RNASE10: variants seen among roughly 807,000 people sequenced by gnomAD.
The protein encoded by RNASE10 is ribonuclease A family member 10 (inactive), also known as inactive ribonuclease-like protein 10.
Under a neutral mutation model 1.1 loss-of-function variants are expected in RNASE10, and 2 were observed. The observed-to-expected ratio is 1.82, with a 90% CI of 0.74 to 5.73. RNASE10 has a LOEUF of 5.73. Ranked by LOEUF, RNASE10 falls within the 30% of genes most tolerant of loss-of-function variation. RNASE10 has a pLI of 0.05. For synonymous variants in RNASE10, 97 were observed against 96.2 expected, an observed-to-expected ratio of 1.01 and a Z score of -0.05; for missense variants, 276 against 263.4, an observed-to-expected ratio of 1.05 and a Z score of -0.33.
At chr14:20,507,405 C>A in intron 1 of RNASE10, among the ~76,000 whole-genome samples, 1 of 133,022 alleles carries the variant, frequency 7.5e-6, no homozygotes, top group Non-Finnish European at 1.6e-5. Flanking sequence ...TAAACAGATG[C>A]TTGAAGGCAG....
chr14:20,512,406 A>T (rs140663271), downstream of RNASE10, among the ~76,000 whole-genome samples: 6 of 152,284 alleles, frequency 3.9e-5, no homozygotes, highest in Non-Finnish European at 7.4e-5. Context: ...AGCTGTAAGG[A>T]TTCACCGTGT....
At chr14:20,510,858 G>A (rs1882881231) in exon 2 of RNASE10, 1 of 1,614,164 alleles carries the variant, frequency 6.2e-7, no homozygotes, top group Non-Finnish European at 8.5e-7. Flanking sequence ...AGATGAAGGA[G>A]CCCAGTCAGA....
At chr14:20,505,269 TCCCTCTCC>T (rs1566535838), upstream of RNASE10, among the ~76,000 whole-genome samples, 5 of 10,976 alleles carry the variant, frequency 4.6e-4, no homozygotes, top group South Asian at 2.8e-3. Context: ...TTGCTCCCTC[TCCCTCTCC>T]CTCTCCCTCT....
upstream of RNASE10, among the ~76,000 whole-genome samples, chr14:20,504,544 C>T (rs375834943): frequency 1.3e-3 from 190 of 151,080 alleles, 5 homozygotes; most frequent in East Asian, 0.032. Flanking sequence ...AAAAATTAGC[C>T]GGGCGCGGTG....
intron 1 of RNASE10, 125 bp from the exon 2 acceptor site, chr14:20,510,342 A>G: frequency 2.9e-6 from 4 of 1,389,878 alleles, no homozygotes; most frequent in Non-Finnish European, 3.9e-6. Flanking sequence ...AAGAGGGTAG[A>G]GTAATGTGCA....
upstream of RNASE10, among the ~76,000 whole-genome samples, chr14:20,504,665 G>A (rs1222242275): frequency 2.9e-5 from 4 of 136,666 alleles, no homozygotes; most frequent in Non-Finnish European, 4.6e-5. Flanking sequence ...TCCAGCCTGG[G>A]CGACAGAGAG....
At chr14:20,510,042 C>T (rs1882853788) in intron 1 of RNASE10, among the ~76,000 whole-genome samples, 1 of 151,404 alleles carries the variant, frequency 6.6e-6, no homozygotes, top group African/African-American at 2.4e-5. Context: ...TCACTTGACC[C>T]TGGGAGATTG....
chr14:20,505,260 TGCTCCCTCTCCCTCTCCCTCTCCC>T (rs1566535799), upstream of RNASE10, among the ~76,000 whole-genome samples: 39 of 75,632 alleles, frequency 5.2e-4, no homozygotes, highest in South Asian at 1.0e-3. Flanking sequence ...AAAGTGAGTT[TGCTCCCTCTCCCTCTCCCTCTCCC>T]TCTCCCTCTC....
chr14:20,509,195 G>T (rs1355546848), intron 1 of RNASE10, among the ~76,000 whole-genome samples: 1 of 152,188 alleles, frequency 6.6e-6, no homozygotes, highest in Non-Finnish European at 1.5e-5. Flanking sequence ...GACTACTGGT[G>T]CGTGGCACCA....
chr14:20,507,140 A>T (rs1882762845), intron 1 of RNASE10, among the ~76,000 whole-genome samples: 1 of 148,458 alleles, frequency 6.7e-6, no homozygotes, highest in South Asian at 2.2e-4. Flanking sequence ...GGGATGGGCC[A>T]TGATGACAAT....
At chr14:20,507,622 A>AC (rs1274756200) in intron 1 of RNASE10, among the ~76,000 whole-genome samples, 1 of 137,206 alleles carries the variant, frequency 7.3e-6, no homozygotes, top group Non-Finnish European at 1.6e-5. Flanking sequence ...AAAAAAATAA[A>AC]TAAATAAATA....
At chr14:20,506,473 C>T (rs1469386881) in intron 1 of RNASE10, among the ~76,000 whole-genome samples, 1 of 131,188 alleles carries the variant, frequency 7.6e-6, no homozygotes, top group African/African-American at 3.0e-5. Context: ...CCAGCCGCCC[C>T]GTCCGGGAGG....
At chr14:20,509,555 C>G (rs1200719060) in intron 1 of RNASE10, among the ~76,000 whole-genome samples, 4 of 152,190 alleles carry the variant, frequency 2.6e-5, no homozygotes, top group African/African-American at 9.7e-5. Context: ...GGACATCTTC[C>G]CTCCAGCCTC....
At chr14:20,507,607 C>G (rs1422509297) in intron 1 of RNASE10, among the ~76,000 whole-genome samples, 1 of 121,966 alleles carries the variant, frequency 8.2e-6, no homozygotes, top group African/African-American at 3.5e-5. Flanking sequence ...CAAGAATGAT[C>G]AATTAAAAAA....
rs1882774040 is a variant in RNASE10 at position 20,507,449 on chromosome 14, C to T, written c.79+1430C>T. On this transcript the variant is annotated intron_variant, in intron 1 of 1. Transcript: ENST00000430083. Reference sequence around the variant, plus strand: ...TTAAGAGTCATCACCACTCCCTAATCTTAAGTACCCAGGGACACAAACACT... The same window carrying T: ...TTAAGAGTCATCACCACTCCCTAATTTTAAGTACCCAGGGACACAAACACT... Among the ~76,000 whole-genome samples, 3 of 133,950 alleles carry T rather than the reference C, an allele frequency of 2.2e-5. No homozygotes were observed. The South Asian group carries it at 7.4e-4, about 33-fold the overall frequency. The allele number at this position is 133,950 out of a possible 152,430, so 87.9% of individuals were successfully genotyped here.
intron 1 of RNASE10, among the ~76,000 whole-genome samples, chr14:20,507,089 G>C (rs1285070587): frequency 2.7e-5 from 4 of 150,060 alleles, no homozygotes; most frequent in African/African-American, 7.4e-5. Flanking sequence ...CCCTCTGCCC[G>C]GCCAGGACCC....
At chr14:20,512,957 ATCTG>A (rs1173737705), downstream of RNASE10, among the ~76,000 whole-genome samples, 1 of 152,204 alleles carries the variant, frequency 6.6e-6, no homozygotes, top group Admixed American at 6.5e-5. Flanking sequence ...CACGTTAGCA[ATCTG>A]TCTGGTAGGT....
intron 1 of RNASE10, among the ~76,000 whole-genome samples, chr14:20,508,386 G>C (rs1882806733): frequency 6.6e-6 from 1 of 152,152 alleles, no homozygotes; most frequent in Admixed American, 6.5e-5. Context: ...TGAGTAATGT[G>C]ATGAAATCTC....
Position 20,510,323 on chromosome 14 carries a change from G to A in RNASE10, c.80-144G>A, listed in dbSNP as rs544386776. On this transcript the variant is annotated intron_variant, in intron 1 of 1. Transcript: ENST00000430083. ...AGAAATGGGAATGGAAAGAGAAATC[G>A]CTGCCTTGAAGAGGGTAGAGTAATG... 9.9e-6 allele frequency: 12 copies of A among 1,212,424 alleles called. 1 individual carries two copies. Among genetic ancestry groups the A allele is most frequent in the South Asian group, 5.0e-5 (3 of 59,454 alleles). 75.1% of individuals were successfully genotyped at this position (1,212,424 alleles called of 1,614,324 possible). A position where few individuals can be genotyped will look rare whatever the true frequency, so the allele number is the denominator to read the frequency against.
Sources: allele counts gnomAD v4.1 joint callset (sites outside exome capture counted in the v4.1 genomes callset), GRCh38; gene constraint gnomAD v4.1.1; transcripts MANE v1.5; gene names NCBI Gene and HGNC (gene_info 2026-07-23, HGNC 2026-07-21).